Variants in F2RL1 observed in about 807,000 individuals in gnomAD.
F2RL1 encodes F2R like trypsin receptor 1, also known as proteinase-activated receptor 2.
Under a neutral mutation model 21.7 loss-of-function variants are expected in F2RL1, and 16 were observed. That is an observed-to-expected ratio of 0.74 (90% CI 0.50 to 1.12). The LOEUF is 1.12. F2RL1 is among the 50% of genes most tolerant of loss of function. F2RL1 has a pLI of 0.00. For synonymous variants in F2RL1, 181 were observed against 186.7 expected (o/e 0.97, Z 0.25); for missense variants, 432 against 477.8 (o/e 0.90, Z 0.89).
Position 76,819,082 on chromosome 5 carries a change from G to C in F2RL1, c.-101G>C. The C allele has an allele frequency of 1.0e-6, 1 of 967,858 alleles. No homozygotes were observed. Among genetic ancestry groups the C allele is most frequent in the South Asian group, 1.5e-5 (1 of 66,828 alleles). The allele number at this position is 967,858 out of a possible 1,614,324, so 60.0% of individuals were successfully genotyped here. A position where few individuals can be genotyped will look rare whatever the true frequency, so the allele number is the denominator to read the frequency against. ...GCAGCAGAGGCTCCGATTCGGGGCA[G>C]GTGAGAGGCTGACTTTCTCTCGGTG... On this transcript the variant is annotated 5_prime_UTR_variant, in exon 1 of 2. Transcript: ENST00000296677.
chr5:76,827,005 A>G (rs1264454739), intron 1 of F2RL1, among the ~76,000 whole-genome samples: 1 of 151,534 alleles, frequency 6.6e-6, no homozygotes, highest in Non-Finnish European at 1.5e-5. Flanking sequence ...GTGCACCACT[A>G]TGCCTGGCTA....
rs533217208 is a variant in F2RL1 at position 76,825,439 on chromosome 5, TTGTC to T, written c.82+6179_82+6182del. ...GTTAGGAATAGAAATAAGGAGCTGT[TTGTC>T]TGTAACTGAGTGGGGGGATGCTGCC... On this transcript the variant is annotated intron_variant, in intron 1 of 1. Transcript: ENST00000296677. 2.2e-3 allele frequency among the ~76,000 whole-genome samples: 329 copies of T among 152,310 alleles called. 2 individuals are homozygous for T. Among genetic ancestry groups the T allele is most frequent in the African/African-American group, 7.5e-3 (312 of 41,562 alleles).
Position 76,833,368 on chromosome 5 carries a change from C to T in F2RL1, c.761C>T (p.Pro254Leu). ...CTGGCCATTGGGGTCTTTCTGTTCC[C>T]AGCCTTCCTCACAGCCTCTGCCTAT... is the stretch of plus-strand genomic sequence containing the variant. Reference protein sequence around the residue: ...LSLAIGVFLFPAFLTASAYVL... With the variant: ...LSLAIGVFLFLAFLTASAYVL... The change falls in exon 2 of 2, where the codon CCA becomes CTA. Residue 254 changes from proline (P) to leucine (L), a missense_variant. Pro to Leu is a moderately conservative substitution (Grantham distance 98). Transcript: ENST00000296677. The T allele has an allele frequency of 6.2e-7, 1 of 1,614,048 alleles. No individual in the cohort carries two copies. Among genetic ancestry groups the T allele is most frequent in the Non-Finnish European group, 8.5e-7 (1 of 1,180,024 alleles).
At chr5:76,829,501 T>G (rs770811461) in intron 1 of F2RL1, among the ~76,000 whole-genome samples, 6 of 152,232 alleles carry the variant, frequency 3.9e-5, no homozygotes, top group Admixed American at 6.5e-5. Flanking sequence ...ATTTGTGGTG[T>G]TGTTTAACAC....
In F2RL1 at chr5:76,832,820, A is replaced by C. The variant is rs1255502033; in HGVS notation, c.213A>C (p.Gly71=). ...VDEFSASVLT[G]KLTTVFLPIV... Reference sequence around the variant, plus strand: ...AGTTTTCTGCATCTGTCCTCACTGGAAAACTGACCACTGTCTTCCTTCCAA... The same window carrying C: ...AGTTTTCTGCATCTGTCCTCACTGGCAAACTGACCACTGTCTTCCTTCCAA... The change falls in exon 2 of 2, where the codon GGA becomes GGC. Residue 71 remains glycine (G), a synonymous_variant. Coordinates refer to ENST00000296677, the MANE Select transcript of F2RL1 (RefSeq NM_005242.6). 36 of 1,614,230 alleles carry C rather than the reference A, an allele frequency of 2.2e-5. No individual in the cohort carries two copies. The highest frequency in any genetic ancestry group is 3.1e-5 in the Non-Finnish European group (36 of 1,180,042).
intron 1 of F2RL1, among the ~76,000 whole-genome samples, chr5:76,829,401 TTTC>T (rs1440536600): frequency 6.6e-6 from 1 of 152,086 alleles, no homozygotes; most frequent in Non-Finnish European, 1.5e-5. Flanking sequence ...CCTGGCCCTC[TTTC>T]TTATTTTTTG....
chr5:76,833,174 C>T lies in F2RL1; in HGVS notation c.567C>T (p.Asn189=), dbSNP rs1750383871. 6.2e-7 allele frequency: 1 copy of T among 1,614,166 alleles called. No homozygotes were observed. Among genetic ancestry groups the T allele is most frequent in the African/African-American group, 1.3e-5 (1 of 75,060 alleles). The change falls in exon 2 of 2, where the codon AAC becomes AAT. Residue 189 remains asparagine (N), a synonymous_variant. Coordinates refer to ENST00000296677, the MANE Select transcript of F2RL1 (RefSeq NM_005242.6). The part of the protein sequence containing the change: ...NPMGHSRKKA[N]IAIGISLAIW... ...TGGGGCACTCCAGGAAGAAGGCAAA[C>T]ATTGCCATTGGCATCTCCCTGGCAA...
chr5:76,825,387 G>A (rs934344624), intron 1 of F2RL1, among the ~76,000 whole-genome samples: 11 of 152,102 alleles, frequency 7.2e-5, no homozygotes, highest in Admixed American at 1.3e-4. Flanking sequence ...ACCCTTAGTA[G>A]TAGGGACTAC....
At chr5:76,828,612 A>G (rs1375881610) in intron 1 of F2RL1, among the ~76,000 whole-genome samples, 1 of 151,226 alleles carries the variant, frequency 6.6e-6, no homozygotes, top group Non-Finnish European at 1.5e-5. Flanking sequence ...CAACTTTCCA[A>G]GTATCCAGGA....
chr5:76,833,429 G>A lies in F2RL1; in HGVS notation c.822G>A (p.Met274Ile), dbSNP rs747974393. 1 of 1,613,772 alleles carries A rather than the reference G, an allele frequency of 6.2e-7. No individual in the cohort carries two copies. Among genetic ancestry groups the A allele is most frequent in the Non-Finnish European group, 8.5e-7 (1 of 1,179,992 alleles). Residue 274 changes from methionine (M) to isoleucine (I), a missense_variant, in exon 2 of 2, where the codon ATG (methionine) becomes ATA (isoleucine). Met to Ile is a conservative substitution (Grantham distance 10). Transcript: ENST00000296677. Reference protein sequence around the residue: ...LMIRMLRSSAMDENSEKKRKR... With the variant: ...LMIRMLRSSAIDENSEKKRKR... ...TCAGAATGCTGCGATCTTCTGCCAT[G>A]GATGAAAACTCAGAGAAGAAAAGGA...
Position 76,833,164 on chromosome 5 carries a change from A to G in F2RL1, c.557A>G (p.Lys186Arg), listed in dbSNP as rs1264721050. Reference sequence around the variant, plus strand: ...GTGAACCCCATGGGGCACTCCAGGAAGAAGGCAAACATTGCCATTGGCATC... The same window carrying G: ...GTGAACCCCATGGGGCACTCCAGGAGGAAGGCAAACATTGCCATTGGCATC... ...VIVNPMGHSR[K>R]KANIAIGISL... The change falls in exon 2 of 2, where the codon AAG (lysine) becomes AGG (arginine). Residue 186 changes from lysine to arginine, a missense_variant. Transcript: ENST00000296677. 1 of 1,614,214 alleles carries G rather than the reference A, an allele frequency of 6.2e-7. No individual in the cohort carries two copies. Among genetic ancestry groups the G allele is most frequent in the South Asian group, 1.1e-5 (1 of 91,086 alleles).
intron 1 of F2RL1, among the ~76,000 whole-genome samples, chr5:76,821,463 CACTT>C (rs934131175): frequency 1.3e-5 from 2 of 152,102 alleles, no homozygotes; most frequent in East Asian, 3.9e-4. Flanking sequence ...TTCTCTCTGC[CACTT>C]ACTTATTTTT....
At chr5:76,826,103 T>G (rs1288543036) in intron 1 of F2RL1, among the ~76,000 whole-genome samples, 1 of 152,124 alleles carries the variant, frequency 6.6e-6, no homozygotes, top group African/African-American at 2.4e-5. Flanking sequence ...ATTCCCAAAC[T>G]CACCTCCCAC....
chr5:76,824,417 C>T (rs769860273), intron 1 of F2RL1, among the ~76,000 whole-genome samples: 1 of 151,476 alleles, frequency 6.6e-6, no homozygotes, highest in Admixed American at 6.6e-5. Flanking sequence ...CTGCAACCTC[C>T]GCCTCCCAGG....
chr5:76,832,643 T>G, intron 1 of F2RL1, 47 bp from the exon 2 acceptor site: 3 of 1,512,828 alleles, frequency 2.0e-6, no homozygotes, highest in Non-Finnish European at 2.7e-6. Flanking sequence ...GTGTTACTGC[T>G]GAAACATTTA....
At chr5:76,829,496 T>A (rs1255629641) in intron 1 of F2RL1, among the ~76,000 whole-genome samples, 4 of 152,206 alleles carry the variant, frequency 2.6e-5, no homozygotes, top group Non-Finnish European at 5.9e-5. Context: ...ACTACATTTG[T>A]GGTGTTGTTT....
In F2RL1 at chr5:76,819,228, C is replaced by T; in HGVS notation, c.46C>T (p.Leu16=). 1 of 1,591,714 alleles carries T rather than the reference C, an allele frequency of 6.3e-7. No homozygotes were observed. Among genetic ancestry groups the T allele is most frequent in the Non-Finnish European group, 8.5e-7 (1 of 1,177,678 alleles). Residue 16 remains leucine, a synonymous_variant, in exon 1 of 2, where the codon CTA becomes TTA. Coordinates refer to ENST00000296677, the MANE Select transcript of F2RL1 (RefSeq NM_005242.6). ...GTGGCTGCTGGGGGCCGCCATCCTG[C>T]TAGCAGCCTCTCTCTCCTGCAGTGG... ...AAWLLGAAIL[L]AASLSCSGTI...
Position 76,833,974 on chromosome 5 carries a change from A to G in F2RL1, c.*173A>G, listed in dbSNP as rs1241375081. 1.1e-5 allele frequency: 7 copies of G among 612,582 alleles called. No individual in the cohort carries two copies. The highest frequency in any genetic ancestry group is 1.9e-5 in the Non-Finnish European group (7 of 363,078). The allele number at this position is 612,582 out of a possible 1,614,324, so 37.9% of individuals were successfully genotyped here. A position where few individuals can be genotyped will look rare whatever the true frequency, so the allele number is the denominator to read the frequency against. The stretch of plus-strand genomic sequence containing the variant: ...GTTTGCATGAGAAAAGTAGTCCCCC[A>G]AATTAACATCAGTGTCTGTTTCAGA... On this transcript the variant is annotated 3_prime_UTR_variant, in exon 2 of 2. Coordinates refer to ENST00000296677, the MANE Select transcript of F2RL1 (RefSeq NM_005242.6).
chr5:76,830,681 A>G (rs2243053), intron 1 of F2RL1, among the ~76,000 whole-genome samples: 93,247 of 152,058 alleles, frequency 0.61, 30,130 homozygotes, highest in African/African-American at 0.8. Context: ...CTGCAAAGAC[A>G]TTTTTGCTAA....
Sources: gnomAD v4.1 joint callset for allele counts (sites outside exome capture counted in the v4.1 genomes callset) on GRCh38, gnomAD v4.1.1 for gene constraint, MANE v1.5 for transcripts, NCBI Gene and HGNC (gene_info 2026-07-23, HGNC 2026-07-21) for gene names.